Variants in SLC4A10 observed in about 807,000 individuals in gnomAD.
SLC4A10 encodes the protein sodium-driven chloride bicarbonate exchanger.
SLC4A10 carries 42 observed loss-of-function variants against 137.7 expected under a neutral mutation model. The ratio of observed to expected loss-of-function variants is 0.30; its 90% CI spans 0.24 to 0.39. The LOEUF is 0.39. Among genes scored for constraint, SLC4A10 ranks in the 10% least tolerant of loss-of-function variants. The pLI is 1.00. For synonymous variants in SLC4A10, 474 were observed against 464.1 expected (o/e 1.02, Z -0.27); for missense variants, 925 against 1,355.0 (o/e 0.68, Z 4.98).
intron 15 of SLC4A10, among the ~76,000 whole-genome samples, chr2:161,941,455 A>G (rs994335968): frequency 2.0e-5 from 3 of 152,196 alleles, no homozygotes; most frequent in Admixed American, 1.3e-4. Context: ...GAAGGGGCAC[A>G]CGTGTAGTAA....
intron 5 of SLC4A10, among the ~76,000 whole-genome samples, chr2:161,860,262 T>C (rs911747786): frequency 2.6e-5 from 4 of 152,206 alleles, no homozygotes; most frequent in African/African-American, 9.7e-5. Context: ...TTTCTTTACA[T>C]AACTGTTTCA....
At chr2:161,671,389 G>A (rs774239960) in intron 1 of SLC4A10, among the ~76,000 whole-genome samples, 3 of 152,178 alleles carry the variant, frequency 2.0e-5, no homozygotes, top group Non-Finnish European at 2.9e-5. Flanking sequence ...AAGTTGCCCA[G>A]TCTCAGGTAT....
intron 1 of SLC4A10, among the ~76,000 whole-genome samples, chr2:161,634,896 T>A (rs1257654111): frequency 6.6e-6 from 1 of 152,066 alleles, no homozygotes; most frequent in Admixed American, 6.6e-5. Flanking sequence ...GTAACCACTA[T>A]TCTATTCTCT....
At chr2:161,833,274 G>C (rs538807596) in intron 3 of SLC4A10, among the ~76,000 whole-genome samples, 1 of 152,276 alleles carries the variant, frequency 6.6e-6, no homozygotes, top group Admixed American at 6.5e-5. Flanking sequence ...AATCCATCTG[G>C]AGATGACAGT....
chr2:161,832,735 T>TGTTG (rs564471459), intron 3 of SLC4A10, among the ~76,000 whole-genome samples: 1 of 149,838 alleles, frequency 6.7e-6, no homozygotes, highest in Admixed American at 6.7e-5. Context: ...TTGTTGTTGT[T>TGTTG]TTGTTTTGTT....
intron 15 of SLC4A10, among the ~76,000 whole-genome samples, chr2:161,921,408 G>C (rs1273308960): frequency 6.6e-6 from 1 of 151,894 alleles, no homozygotes; most frequent in Non-Finnish European, 1.5e-5. Context: ...AGAATTATGT[G>C]ACAATAGGTT....
rs182050381 is a variant in SLC4A10 at position 161,629,299 on chromosome 2, T to A, written c.48+4733T>A. Among the ~76,000 whole-genome samples, 360 of 151,860 alleles carry A rather than the reference T, an allele frequency of 2.4e-3. 2 individuals are homozygous for A. Among genetic ancestry groups the A allele is most frequent in the African/African-American group, 8.3e-3 (345 of 41,484 alleles). On this transcript the variant is annotated intron_variant, in intron 1 of 26. Transcript: ENST00000446997. ...TATATTCTCGCACCACAAACAGTTG[T>A]CTCAGATACTCTTTGGGGTGTACTA... is the stretch of plus-strand genomic sequence containing the variant.
rs1318855126 is a variant in SLC4A10, at chr2:161,637,364, A to AT, written c.48+12806dup. Among the ~76,000 whole-genome samples, 164 of 150,982 alleles carry AT rather than the reference A, an allele frequency of 1.1e-3. 2 individuals carry two copies. The highest frequency in any genetic ancestry group is 4.8e-3 in the South Asian group (23 of 4,784). On this transcript the variant is annotated intron_variant, in intron 1 of 26. Transcript: ENST00000446997. ...CAGGTGCCTGCCACCACTCCCAGTA[A>AT]TTTTTTTTGTATTTTTAGTAGAGAC...
At chr2:161,866,132 A>G (rs1559417552) in intron 6 of SLC4A10, among the ~76,000 whole-genome samples, 1 of 152,038 alleles carries the variant, frequency 6.6e-6, no homozygotes, top group African/African-American at 2.4e-5. Context: ...GCTTATGTAG[A>G]TAAACCTGAA....
Position 161,674,399 on chromosome 2 carries a change from T to C in SLC4A10, c.48+49833T>C, listed in dbSNP as rs547610023. Among the ~76,000 whole-genome samples the C allele has an allele frequency of 2.0e-5, 3 of 152,346 alleles. No homozygotes were observed. In the East Asian group the frequency reaches 5.8e-4, roughly 29 times the overall value. Reference sequence around the variant, plus strand: ...ATTTAATATGGCACCTAATAGGCACTAAATGACTAATGTATTATAGCAGAT... The same window carrying C: ...ATTTAATATGGCACCTAATAGGCACCAAATGACTAATGTATTATAGCAGAT... On this transcript the variant is annotated intron_variant, in intron 1 of 26. Coordinates refer to ENST00000446997, the MANE Select transcript of SLC4A10 (RefSeq NM_001178015.2).
intron 1 of SLC4A10, among the ~76,000 whole-genome samples, chr2:161,686,952 G>C (rs555053179): frequency 1.3e-5 from 2 of 149,290 alleles, no homozygotes; most frequent in African/African-American, 5.0e-5. Flanking sequence ...GTGTGATCTC[G>C]GCTCACTGCA....
At chr2:161,874,932 T>G (rs1351532291) in intron 8 of SLC4A10, among the ~76,000 whole-genome samples, 1 of 152,144 alleles carries the variant, frequency 6.6e-6, no homozygotes, top group East Asian at 1.9e-4. Flanking sequence ...TAATAAAAGG[T>G]GGTTACACTT....
At chr2:161,749,564 A>G (rs112344134) in intron 1 of SLC4A10, among the ~76,000 whole-genome samples, 37 of 152,030 alleles carry the variant, frequency 2.4e-4, no homozygotes, top group African/African-American at 8.4e-4. Flanking sequence ...ACATTGATTT[A>G]TCTGCATTGG....
intron 1 of SLC4A10, among the ~76,000 whole-genome samples, chr2:161,698,380 G>A (rs2042765307): frequency 6.6e-6 from 1 of 152,168 alleles, no homozygotes; most frequent in Non-Finnish European, 1.5e-5. Flanking sequence ...TCCCTGTCTT[G>A]TGCCAGTTTT....
intron 20 of SLC4A10, among the ~76,000 whole-genome samples, 178 bp from the exon 21 acceptor site, chr2:161,958,309 A>G (rs1235267124): frequency 2.0e-5 from 3 of 152,188 alleles, no homozygotes; most frequent in African/African-American, 7.2e-5. Flanking sequence ...TAAGTAACTT[A>G]CCTAAGGTTA....
At chr2:161,867,913 T>A (rs773249246) in intron 6 of SLC4A10, among the ~76,000 whole-genome samples, 2 of 151,848 alleles carry the variant, frequency 1.3e-5, no homozygotes, top group African/African-American at 4.8e-5. Context: ...CTCCTACCCT[T>A]TGGGTACTCT....
Position 161,771,039 on chromosome 2 carries a change from A to G in SLC4A10, c.115A>G (p.Lys39Glu). The G allele has an allele frequency of 1.9e-6, 3 of 1,601,502 alleles. No homozygotes were observed. The highest frequency in any genetic ancestry group is 1.7e-6 in the Non-Finnish European group (2 of 1,173,088). ...TTCTATTCTCAAAACACACTTTGAG[A>G]AAGAAGATTTAGAAGGTAAGACCAT... ...TRSILKTHFEKEDLEGHRTLF... is the reference protein window; with the variant it reads ...TRSILKTHFEEEDLEGHRTLF... Residue 39 changes from lysine to glutamate, a missense_variant, in exon 2 of 27, where the codon AAA becomes GAA. This residue lies in a region of SLC4A10 where 138 missense variants were observed against 171.3 expected (regional missense o/e 0.81). Transcript: ENST00000446997.
At chr2:161,818,460 G>A (rs868459701) in intron 3 of SLC4A10, among the ~76,000 whole-genome samples, 8 of 152,150 alleles carry the variant, frequency 5.3e-5, no homozygotes, top group Middle Eastern at 3.4e-3. Context: ...CTAATTGAAT[G>A]CCCTTTATTT....
At chr2:161,841,677 C>T (rs186678675) in intron 4 of SLC4A10, among the ~76,000 whole-genome samples, 1 of 152,186 alleles carries the variant, frequency 6.6e-6, no homozygotes, top group African/African-American at 2.4e-5. Flanking sequence ...TTAAAAAACA[C>T]TAAAAACGAG....
Sources: allele counts gnomAD v4.1 joint callset (sites outside exome capture counted in the v4.1 genomes callset), GRCh38; gene constraint gnomAD v4.1.1; regional missense constraint gnomAD v4.1.1; transcripts MANE v1.5; gene names NCBI Gene and HGNC (gene_info 2026-07-23, HGNC 2026-07-21).